The following IL1RAPL1 variants were observed in gnomAD, a reference collection of about 807,000 sequenced individuals.
The protein encoded by IL1RAPL1 is interleukin 1 receptor accessory protein like 1.
Under a neutral mutation model 48.4 loss-of-function variants are expected in IL1RAPL1, and 3 were observed. That is an observed-to-expected ratio of 0.06 (90% CI 0.03 to 0.16). The LOEUF (loss-of-function observed/expected upper bound fraction) is 0.16, where lower values mean the gene tolerates loss of function less well. Ranked by LOEUF, IL1RAPL1 falls within the 10% of genes least tolerant of loss-of-function variation. The pLI is 1.00. For missense variants in IL1RAPL1, 349 were observed against 530.6 expected (o/e 0.66, Z 3.36); for synonymous variants, 185 against 187.7 (o/e 0.99, Z 0.12).
intron 1 of IL1RAPL1, among the ~76,000 whole-genome samples, chrX:28,750,618 A>G (rs1936031879): frequency 8.9e-6 from 1 of 111,805 alleles, no homozygotes; most frequent in South Asian, 3.7e-4. Flanking sequence ...CTTGATACTG[A>G]ATGATGGAAT....
chrX:28,783,795 C>T (rs1460318111), intron 1 of IL1RAPL1, among the ~76,000 whole-genome samples: 2 of 111,412 alleles, frequency 1.8e-5, no homozygotes, highest in Non-Finnish European at 3.8e-5. Context: ...AAAGTCAGCC[C>T]AATGCCACCC....
In IL1RAPL1 at chrX:29,203,722, A is replaced by AAT. The variant is rs56950481; in HGVS notation, c.83-79178_83-79177dup. Among the ~76,000 whole-genome samples, 492 of 78,337 alleles carry AAT rather than the reference A, an allele frequency of 6.3e-3. 4 individuals carry two copies. Among genetic ancestry groups the AAT allele is most frequent in the East Asian group, 0.023 (48 of 2,077 alleles). The allele number at this position is 78,337 out of a possible 115,157, so 68.0% of individuals were successfully genotyped here. On this transcript the variant is annotated intron_variant, in intron 2 of 10. Coordinates refer to ENST00000378993, the MANE Select transcript of IL1RAPL1 (RefSeq NM_014271.4). Reference sequence around the variant, plus strand: ...CAACAAGAGCAAAACTCCGTCTCAAAATATATATATATATATATATATATA... The same window carrying AAT: ...CAACAAGAGCAAAACTCCGTCTCAAAATATATATATATATATATATATATATA...
chrX:29,245,704 A>C (rs1399306884), intron 2 of IL1RAPL1, among the ~76,000 whole-genome samples: 1 of 111,828 alleles, frequency 8.9e-6, no homozygotes, highest in Non-Finnish European at 1.9e-5. Context: ...AGATTGCAAA[A>C]ATTTTCTCCC....
intron 3 of IL1RAPL1, among the ~76,000 whole-genome samples, chrX:29,381,831 AAAATATATATATAT>A (rs1933711163): frequency 7.8e-5 from 2 of 25,794 alleles, no homozygotes; most frequent in Non-Finnish European, 1.9e-4. Context: ...AAAAAAAAAA[AAAATATATATATAT>A]ATATATATAT....
In IL1RAPL1 at chrX:29,030,682, G is replaced by A. The variant is rs886821940; in HGVS notation, c.82+241257G>A. On this transcript the variant is annotated intron_variant, in intron 2 of 10. Transcript: ENST00000378993. ...TAAATATGTTGAACATGGTAGTTTG[G>A]CAATAAAGGGCTTTGGCAAAGAGGG... Among the ~76,000 whole-genome samples the A allele has an allele frequency of 4.5e-5, 5 of 111,390 alleles. No individual in the cohort carries two copies. The South Asian group carries it at 1.9e-3, about 41-fold the overall frequency.
At chrX:29,263,696 T>C (rs889338319) in intron 2 of IL1RAPL1, among the ~76,000 whole-genome samples, 1 of 111,496 alleles carries the variant, frequency 9.0e-6, no homozygotes, top group African/African-American at 3.3e-5. Context: ...ATATTAGGCT[T>C]GGGATAGAAA....
chrX:29,674,349 C>T (rs779751770), intron 6 of IL1RAPL1, among the ~76,000 whole-genome samples: 4 of 111,382 alleles, frequency 3.6e-5, no homozygotes, highest in South Asian at 7.6e-4. Context: ...TCACTTGGGC[C>T]GAGGTGATTG....
intron 1 of IL1RAPL1, among the ~76,000 whole-genome samples, chrX:28,598,341 A>G (rs1933980217): frequency 8.9e-6 from 1 of 112,242 alleles, no homozygotes. Flanking sequence ...TACTTTATCT[A>G]CACTTCTAAT....
At chrX:29,746,609 C>CT (rs1443654939) in intron 6 of IL1RAPL1, among the ~76,000 whole-genome samples, 8 of 107,634 alleles carry the variant, frequency 7.4e-5, no homozygotes, top group South Asian at 4.0e-4. Flanking sequence ...AAAGCTCATT[C>CT]TTTTTTTTTT....
chrX:29,925,768 C>T (rs1601886692), intron 8 of IL1RAPL1, among the ~76,000 whole-genome samples: 2 of 110,159 alleles, frequency 1.8e-5, no homozygotes, highest in African/African-American at 6.6e-5. Context: ...TTGAACTCCT[C>T]GGCTTAAGCG....
intron 2 of IL1RAPL1, among the ~76,000 whole-genome samples, chrX:28,943,736 C>T (rs1188910751): frequency 1.6e-4 from 18 of 110,250 alleles, no homozygotes; most frequent in Admixed American, 1.4e-3. Context: ...CTAGAAAGGG[C>T]CTATTCAAAG....
At chrX:29,357,033 A>G (rs1467205246) in intron 3 of IL1RAPL1, among the ~76,000 whole-genome samples, 2 of 111,543 alleles carry the variant, frequency 1.8e-5, no homozygotes, top group East Asian at 2.8e-4. Context: ...CATCCACCAA[A>G]CCAATCTCAA....
intron 6 of IL1RAPL1, among the ~76,000 whole-genome samples, chrX:29,684,955 A>G (rs1358919999): frequency 8.9e-6 from 1 of 112,441 alleles, no homozygotes; most frequent in Non-Finnish European, 1.9e-5. Flanking sequence ...GCAAAGTTGG[A>G]CTTCGTTAAT....
In IL1RAPL1 at chrX:29,171,036, G is replaced by A. The variant is rs746836554; in HGVS notation, c.83-111902G>A. Among the ~76,000 whole-genome samples the A allele has an allele frequency of 1.7e-3, 184 of 110,919 alleles. 3 individuals carry two copies. The highest frequency in any genetic ancestry group is 9.1e-4 in the Non-Finnish European group (48 of 52,949). On this transcript the variant is annotated intron_variant, in intron 2 of 10. Transcript: ENST00000378993. ...TTTTGAGATGGAGTCTCACTCTGTC[G>A]CCCAAGCTGGAGTACAGTGGCACGA... is the stretch of plus-strand genomic sequence containing the variant.
At chrX:29,057,427 T>C (rs200720944) in intron 2 of IL1RAPL1, among the ~76,000 whole-genome samples, 4 of 101,784 alleles carry the variant, frequency 3.9e-5, no homozygotes, top group South Asian at 4.5e-4. Context: ...TTTTTTTTTT[T>C]CTTTTTTTTT....
At chrX:29,812,158 T>C (rs965281341) in intron 6 of IL1RAPL1, among the ~76,000 whole-genome samples, 1 of 112,373 alleles carries the variant, frequency 8.9e-6, no homozygotes, top group African/African-American at 3.2e-5. Context: ...TTTAAAATGT[T>C]TCAGTCAACA....
intron 2 of IL1RAPL1, among the ~76,000 whole-genome samples, chrX:28,794,632 C>G (rs895957655): frequency 9.0e-6 from 1 of 111,512 alleles, no homozygotes; most frequent in Admixed American, 9.5e-5. Context: ...CATTCTAGAA[C>G]CTGACAGGGG....
intron 2 of IL1RAPL1, among the ~76,000 whole-genome samples, chrX:28,844,933 C>T (rs918704451): frequency 1.8e-5 from 2 of 111,302 alleles, no homozygotes; most frequent in Non-Finnish European, 3.8e-5. Flanking sequence ...TGTCACAGTT[C>T]TTGAAAAAGC....
At chrX:28,895,106 T>C (rs1282574478) in intron 2 of IL1RAPL1, among the ~76,000 whole-genome samples, 1 of 110,058 alleles carries the variant, frequency 9.1e-6, no homozygotes, top group East Asian at 2.9e-4. Context: ...ACGTTTGAGA[T>C]CTAGAACAGA....
Sources: gnomAD v4.1 joint callset for allele counts (sites outside exome capture counted in the v4.1 genomes callset) on GRCh38, gnomAD v4.1.1 for gene constraint, MANE v1.5 for transcripts, NCBI Gene and HGNC (gene_info 2026-07-23, HGNC 2026-07-21) for gene names.